Variants in GM2A observed in about 807,000 individuals in gnomAD.
The protein encoded by GM2A is GM2 ganglioside activator.
GM2A carries 7 observed loss-of-function variants against 12.9 expected under a neutral mutation model. The observed-to-expected ratio is 0.54, with a 90% CI of 0.31 to 1.02. GM2A has a LOEUF of 1.02. GM2A is among the 50% of genes least tolerant of loss of function. The pLI is 0.05. For missense variants in GM2A, 246 were observed against 241.0 expected (o/e 1.02, Z -0.14); for synonymous variants, 101 against 96.0 (o/e 1.05, Z -0.30).
Position 151,268,818 on chromosome 5 carries a change from G to A in GM2A, c.*1367G>A, listed in dbSNP as rs926791102. 1.6e-5 allele frequency: 15 copies of A among 964,656 alleles called. No homozygotes were observed. The African/African-American group carries it at 2.6e-4, about 17-fold the overall frequency. 59.8% of individuals were successfully genotyped at this position (964,656 alleles called of 1,614,324 possible). On this transcript the variant is annotated 3_prime_UTR_variant, in exon 4 of 4. Coordinates refer to ENST00000357164, the MANE Select transcript of GM2A (RefSeq NM_000405.5). ...AGTGTGATGTGTCCCAAACGGACTGGCTCATGGGTGGCCACGTCACAACCT... is the reference window on the plus strand; with the variant it reads ...AGTGTGATGTGTCCCAAACGGACTGACTCATGGGTGGCCACGTCACAACCT...
chr5:151,259,950 C>T (rs377641017), intron 2 of GM2A, 34 bp downstream of exon 2: 30 of 1,588,170 alleles, frequency 1.9e-5, no homozygotes, highest in South Asian at 5.6e-5. Context: ...AGGGGAGGTG[C>T]GAGGGTCTGG....
At position 151,253,289 on chromosome 5, in the gene GM2A, C is replaced by G; in HGVS notation, c.73C>G (p.Leu25Val). ...LLLAAPAQAHLKKPSQLSSFS... is the reference protein window; with the variant it reads ...LLLAAPAQAHVKKPSQLSSFS... ...TCTCGCGGCCCCTGCGCAAGCCCAC[C>G]TGAAAAAGGTGAGTGCACCCTCTTT... Residue 25 changes from leucine (L) to valine (V), a missense_variant, in exon 1 of 4, where the codon CTG (leucine) becomes GTG (valine). Coordinates refer to ENST00000357164, the MANE Select transcript of GM2A (RefSeq NM_000405.5). 1 of 1,612,246 alleles carries G rather than the reference C, an allele frequency of 6.2e-7. No individual in the cohort carries two copies.
intron 2 of GM2A, among the ~76,000 whole-genome samples, chr5:151,265,674 G>C (rs1319520189): frequency 6.6e-6 from 1 of 152,194 alleles, no homozygotes; most frequent in East Asian, 1.9e-4. Flanking sequence ...GCACAACTGG[G>C]ATGTCCACCA....
chr5:151,264,052 T>C (rs1753842227), intron 2 of GM2A, among the ~76,000 whole-genome samples: 1 of 152,098 alleles, frequency 6.6e-6, no homozygotes, highest in Non-Finnish European at 1.5e-5. Context: ...TGCCCAGCCC[T>C]CCCTCAAGTT....
Position 151,259,737 on chromosome 5 carries a change from C to A in GM2A, c.82-18C>A, listed in dbSNP as rs751772881. ...ACCTTTTTCTTCTTCTCCTTCCTTG[C>A]TGCCTGATTGTCCCCAGCCATCCCA... On this transcript the variant is annotated intron_variant, in intron 1 of 3. Coordinates refer to ENST00000357164, the MANE Select transcript of GM2A (RefSeq NM_000405.5). The A allele has an allele frequency of 6.2e-7, 1 of 1,611,640 alleles. No individual in the cohort carries two copies. The highest frequency in any genetic ancestry group is 8.5e-7 in the Non-Finnish European group (1 of 1,177,884).
chr5:151,262,772 A>C (rs1435238693), intron 2 of GM2A, among the ~76,000 whole-genome samples: 1 of 151,990 alleles, frequency 6.6e-6, no homozygotes, highest in Non-Finnish European at 1.5e-5. Context: ...GCTGATCTGG[A>C]GTGTGGGCTC....
Position 151,268,140 on chromosome 5 carries a change from A to G in GM2A, c.*689A>G. ...GAACCGTGAGAAACATGTTGCTTCC[A>G]GGCTTGATTTCGATTTTTCGCTTTT... is the stretch of plus-strand genomic sequence containing the variant. On this transcript the variant is annotated 3_prime_UTR_variant, in exon 4 of 4. Transcript: ENST00000357164. The G allele has an allele frequency of 1.0e-6, 1 of 976,622 alleles. No homozygotes were observed. Among genetic ancestry groups the G allele is most frequent in the African/African-American group, 1.8e-5 (1 of 54,314 alleles). The allele number at this position is 976,622 out of a possible 1,614,324, so 60.5% of individuals were successfully genotyped here.
chr5:151,260,447 A>G (rs1023646286), intron 2 of GM2A, among the ~76,000 whole-genome samples: 1 of 152,082 alleles, frequency 6.6e-6, no homozygotes, highest in Non-Finnish European at 1.5e-5. Flanking sequence ...GTGAAACCCC[A>G]TCTCTACTAA....
At chr5:151,259,405 A>G (rs373420082) in intron 1 of GM2A, among the ~76,000 whole-genome samples, 1 of 152,094 alleles carries the variant, frequency 6.6e-6, no homozygotes. Flanking sequence ...GGCTGGCTGG[A>G]GAGGAGTGGG....
intron 2 of GM2A, 49 bp from the exon 3 acceptor site, chr5:151,266,682 T>A (rs1753892380): frequency 7.0e-7 from 1 of 1,434,734 alleles, no homozygotes; most frequent in African/African-American, 1.4e-5. Context: ...TGCCCTGGAA[T>A]TTACACTTAT....
intron 1 of GM2A, among the ~76,000 whole-genome samples, chr5:151,253,685 G>A (rs1753633664): frequency 6.6e-6 from 1 of 151,354 alleles, no homozygotes. Context: ...CTCTTCCCCT[G>A]CTCGAATGCC....
rs1245093837 is a variant in GM2A at position 151,270,167 on chromosome 5, T to C, written c.*2716T>C. 4.1e-5 allele frequency: 35 copies of C among 853,826 alleles called. 1 individual carries two copies. In the South Asian group the frequency reaches 2.1e-3, roughly 52 times the overall value. 52.9% of individuals were successfully genotyped at this position (853,826 alleles called of 1,614,324 possible). On this transcript the variant is annotated 3_prime_UTR_variant, in exon 4 of 4. Transcript: ENST00000357164. ...AATCGCAGGTCAAAGCAGACTTTAA[T>C]AAATGGTGCTGAGCCAACTGGAAAG...
intron 1 of GM2A, among the ~76,000 whole-genome samples, chr5:151,253,999 T>C (rs566074049): frequency 1.6e-4 from 24 of 152,362 alleles, no homozygotes; most frequent in African/African-American, 5.8e-4. Flanking sequence ...TCAGATTCAA[T>C]CTATGTTGTT....
chr5:151,264,260 T>C (rs1429804555), intron 2 of GM2A, among the ~76,000 whole-genome samples: 2 of 152,210 alleles, frequency 1.3e-5, no homozygotes, highest in African/African-American at 4.8e-5. Flanking sequence ...GAATAAGAAA[T>C]GAGCCATCAT....
At chr5:151,259,690 T>C (rs1218250600) in intron 1 of GM2A, 65 bp from the exon 2 acceptor site, 3 of 1,494,534 alleles carry the variant, frequency 2.0e-6, no homozygotes, top group Admixed American at 1.7e-5. Context: ...TTTCCTGTGA[T>C]CTGTGATAGT....
At position 151,267,945 on chromosome 5, in the gene GM2A, C is replaced by T. The variant is rs1580793177; in HGVS notation, c.*494C>T. ...TCTATTCCTCCCTTAACTTCTGTGA[C>T]TAATTTTTATTTCCTTTCTAGATTT... On this transcript the variant is annotated 3_prime_UTR_variant, in exon 4 of 4. Coordinates refer to ENST00000357164, the MANE Select transcript of GM2A (RefSeq NM_000405.5). 1 of 1,118,784 alleles carries T rather than the reference C, an allele frequency of 8.9e-7. No individual in the cohort carries two copies. The highest frequency in any genetic ancestry group is 1.6e-5 in the African/African-American group (1 of 61,114). The allele number at this position is 1,118,784 out of a possible 1,614,324, so 69.3% of individuals were successfully genotyped here.
intron 1 of GM2A, among the ~76,000 whole-genome samples, chr5:151,253,911 C>T (rs754271145): frequency 7.2e-5 from 11 of 152,190 alleles, no homozygotes; most frequent in Non-Finnish European, 4.4e-5. Context: ...GCTGCAGATC[C>T]CTGGGAAAGG....
At chr5:151,259,357 T>C (rs952293680) in intron 1 of GM2A, among the ~76,000 whole-genome samples, 1 of 151,982 alleles carries the variant, frequency 6.6e-6, no homozygotes, top group African/African-American at 2.4e-5. Context: ...GCTGCAGAGG[T>C]GAATCCTCCA....
intron 2 of GM2A, 95 bp from the exon 3 acceptor site, chr5:151,266,636 T>C (rs1457121049): frequency 3.4e-6 from 3 of 887,400 alleles, no homozygotes; most frequent in East Asian, 5.1e-5. Flanking sequence ...TTAAAATATA[T>C]TGCTGCTTTT....
Sources: gnomAD v4.1 joint callset for allele counts (sites outside exome capture counted in the v4.1 genomes callset) on GRCh38, gnomAD v4.1.1 for gene constraint, MANE v1.5 for transcripts, NCBI Gene and HGNC (gene_info 2026-07-23, HGNC 2026-07-21) for gene names.